TRIM44: variants seen among roughly 807,000 people sequenced by gnomAD.
The protein encoded by TRIM44 is tripartite motif-containing protein 44.
A neutral mutation model predicts 37.4 loss-of-function variants in TRIM44; 13 were observed. The ratio of observed to expected loss-of-function variants is 0.35; its 90% CI spans 0.23 to 0.55. The LOEUF (loss-of-function observed/expected upper bound fraction) is 0.55. TRIM44 is among the 20% of genes least tolerant of loss of function. TRIM44 has a pLI of 0.89. For missense variants in TRIM44, 426 were observed against 437.2 expected (o/e 0.97, Z 0.23); for synonymous variants, 175 against 157.2 (o/e 1.11, Z -0.85).
chr11:35,719,032 G>T (rs1307331613), intron 2 of TRIM44, among the ~76,000 whole-genome samples: 1 of 152,056 alleles, frequency 6.6e-6, no homozygotes, highest in Non-Finnish European at 1.5e-5. Context: ...ATGAATAAAA[G>T]TTGCTATAAA....
intron 2 of TRIM44, among the ~76,000 whole-genome samples, chr11:35,690,388 A>G (rs1284200922): frequency 6.6e-6 from 1 of 152,226 alleles, no homozygotes; most frequent in Non-Finnish European, 1.5e-5. Context: ...CAAAAAATAC[A>G]AATTTTAAAT....
intron 2 of TRIM44, among the ~76,000 whole-genome samples, chr11:35,715,141 A>G (rs1344548804): frequency 1.3e-5 from 2 of 152,166 alleles, no homozygotes; most frequent in Admixed American, 6.5e-5. Flanking sequence ...ACTGGGTTAC[A>G]CATCAAGTTG....
At position 35,728,523 on chromosome 11, in the gene TRIM44, A is replaced by G. The variant is rs182140026; in HGVS notation, c.987+2360A>G. 5.7e-4 allele frequency among the ~76,000 whole-genome samples: 87 copies of G among 152,330 alleles called. 1 individual carries two copies. Among genetic ancestry groups the G allele is most frequent in the Admixed American group, 9.1e-4 (14 of 15,310 alleles). On this transcript the variant is annotated intron_variant, in intron 3 of 4. Transcript: ENST00000299413. ...CTACAGACAAAATGAGCTATTAAAA[A>G]CAGAGATAGCGTTCAGCCACTAGAG...
At position 35,679,354 on chromosome 11, in the gene TRIM44, G is replaced by T. The variant is rs546022153; in HGVS notation, c.670-5905G>T. 7.9e-5 allele frequency among the ~76,000 whole-genome samples: 12 copies of T among 152,160 alleles called. No individual in the cohort carries two copies. In the South Asian group the frequency reaches 2.5e-3, roughly 32 times the overall value. On this transcript the variant is annotated intron_variant, in intron 1 of 4. Coordinates refer to ENST00000299413, the MANE Select transcript of TRIM44 (RefSeq NM_017583.6). Reference sequence around the variant, plus strand: ...CCATTTTTAAGGCATGTTTCCATTAGCATGAAATGTTATTTCTGTGTTTTG... The same window carrying T: ...CCATTTTTAAGGCATGTTTCCATTATCATGAAATGTTATTTCTGTGTTTTG...
intron 2 of TRIM44, among the ~76,000 whole-genome samples, chr11:35,687,080 T>C (rs1015264949): frequency 2.0e-5 from 3 of 152,226 alleles, no homozygotes; most frequent in African/African-American, 7.2e-5. Context: ...TAATGTAATA[T>C]AGATGTGGAA....
At chr11:35,749,595 T>C (rs1446684725) in intron 4 of TRIM44, among the ~76,000 whole-genome samples, 1 of 152,160 alleles carries the variant, frequency 6.6e-6, no homozygotes, top group Non-Finnish European at 1.5e-5. Flanking sequence ...TGAGGCACCA[T>C]AATTGCTTGA....
intron 2 of TRIM44, among the ~76,000 whole-genome samples, chr11:35,692,285 C>T (rs923668805): frequency 3.3e-5 from 5 of 151,986 alleles, no homozygotes; most frequent in African/African-American, 1.2e-4. Context: ...CTGGATGATT[C>T]TCATGCACAT....
intron 4 of TRIM44, among the ~76,000 whole-genome samples, chr11:35,759,049 C>G (rs1852687294): frequency 6.6e-6 from 1 of 152,230 alleles, no homozygotes; most frequent in East Asian, 1.9e-4. Context: ...GTTGGCCTGC[C>G]TTGCTAGATT....
intron 1 of TRIM44, among the ~76,000 whole-genome samples, chr11:35,666,168 C>G (rs935868738): frequency 6.6e-6 from 1 of 152,202 alleles, no homozygotes; most frequent in Admixed American, 6.5e-5. Context: ...CCTTTGTGCA[C>G]TGATTTGCTG....
chr11:35,815,655 T>A lies in TRIM44; in HGVS notation c.*9270T>A, dbSNP rs1853573129. 2 of 152,216 alleles carry A rather than the reference T, an allele frequency of 1.3e-5. No homozygotes were observed. The highest frequency in any genetic ancestry group is 2.9e-5 in the Non-Finnish European group (2 of 68,046). 9.4% of individuals were successfully genotyped at this position (152,216 alleles called of 1,614,324 possible). On this transcript the variant is annotated 3_prime_UTR_variant, in exon 5 of 5. Transcript: ENST00000299413. ...CACTTGTGGCCAAATTATACTTGAC[T>A]GTTATGTACTCAAAACAAGCTTTCC...
At chr11:35,767,611 A>G (rs1374577906) in intron 4 of TRIM44, among the ~76,000 whole-genome samples, 1 of 152,068 alleles carries the variant, frequency 6.6e-6, no homozygotes, top group Admixed American at 6.6e-5. Context: ...TTGTATATAT[A>G]TATACATATA....
At position 35,662,963 on chromosome 11, in the gene TRIM44, C is replaced by G. The variant is rs1488527084; in HGVS notation, c.-149C>G. 7.6e-7 allele frequency: 1 copy of G among 1,318,646 alleles called. No homozygotes were observed. The highest frequency in any genetic ancestry group is 3.4e-5 in the Admixed American group (1 of 29,438). 81.7% of individuals were successfully genotyped at this position (1,318,646 alleles called of 1,614,324 possible). A position where few individuals can be genotyped will look rare whatever the true frequency, so the allele number is the denominator to read the frequency against. On this transcript the variant is annotated 5_prime_UTR_variant, in exon 1 of 5. Transcript: ENST00000299413. ...TGCGCCCGGGCAGGGGCTGCCGCGG[C>G]CCCAGGTCCCGCTTCGAGACGCGGC...
intron 4 of TRIM44, among the ~76,000 whole-genome samples, chr11:35,779,692 G>A (rs917210684): frequency 6.6e-6 from 1 of 152,092 alleles, no homozygotes; most frequent in Non-Finnish European, 1.5e-5. Flanking sequence ...CGATGTCCAG[G>A]ATGGTGTTTC....
chr11:35,813,448 C>A lies in TRIM44; in HGVS notation c.*7063C>A, dbSNP rs1210882884. On this transcript the variant is annotated 3_prime_UTR_variant, in exon 5 of 5. Transcript: ENST00000299413. ...CATACATCTAGTCATCAGGCACCTC[C>A]TCAGAACCTATTTGCTCTTCCTTCA... The A allele has an allele frequency of 6.6e-6, 1 of 152,198 alleles. No homozygotes were observed. Among genetic ancestry groups the A allele is most frequent in the Non-Finnish European group, 1.5e-5 (1 of 68,032 alleles). 9.4% of individuals were successfully genotyped at this position (152,198 alleles called of 1,614,324 possible).
At chr11:35,785,690 T>C (rs1365121518) in intron 4 of TRIM44, among the ~76,000 whole-genome samples, 1 of 152,142 alleles carries the variant, frequency 6.6e-6, no homozygotes, top group Non-Finnish European at 1.5e-5. Context: ...CCTGAATCCC[T>C]CCCTAGGAGC....
At chr11:35,772,721 T>C (rs560659770) in intron 4 of TRIM44, among the ~76,000 whole-genome samples, 1 of 152,212 alleles carries the variant, frequency 6.6e-6, no homozygotes, top group Non-Finnish European at 1.5e-5. Context: ...TGTACCCCCA[T>C]TGTATCTAGG....
intron 4 of TRIM44, among the ~76,000 whole-genome samples, chr11:35,760,817 T>C (rs1852714640): frequency 2.0e-5 from 3 of 152,190 alleles, no homozygotes; most frequent in East Asian, 1.9e-4. Context: ...TGTCCTCTCT[T>C]AACATTTTTC....
chr11:35,755,653 CT>C lies in TRIM44; in HGVS notation c.1007+20211del, dbSNP rs1398923107. ...ATGGTTTTAGGTCTAACATGTAAGT[CT>C]TTAATCTATCTTGAATTAATTTTTG... On this transcript the variant is annotated intron_variant, in intron 4 of 4. Transcript: ENST00000299413. Among the ~76,000 whole-genome samples the C allele has an allele frequency of 2.0e-5, 3 of 152,206 alleles. No individual in the cohort carries two copies. The East Asian group carries it at 5.8e-4, about 29-fold the overall frequency.
At chr11:35,676,820 T>C (rs1851464438) in intron 1 of TRIM44, among the ~76,000 whole-genome samples, 1 of 152,178 alleles carries the variant, frequency 6.6e-6, no homozygotes, top group Non-Finnish European at 1.5e-5. Context: ...GTATAAATAA[T>C]GAAAATGCTA....
Sources: allele counts gnomAD v4.1 joint callset (sites outside exome capture counted in the v4.1 genomes callset), GRCh38; gene constraint gnomAD v4.1.1; transcripts MANE v1.5; gene names NCBI Gene and HGNC (gene_info 2026-07-23, HGNC 2026-07-21).